SNX29: variants seen among roughly 807,000 people sequenced by gnomAD.
SNX29 encodes sorting nexin 29.
In SNX29, 78 loss-of-function variants were observed where a neutral mutation model predicts 102.1. That is an observed-to-expected ratio of 0.76 (90% CI 0.64 to 0.92). The LOEUF is 0.92. Among genes scored for constraint, SNX29 ranks in the 40% least tolerant of loss-of-function variants. The pLI, the probability that SNX29 is intolerant of heterozygous loss-of-function variation, is 0.00. For synonymous variants in SNX29, 580 were observed against 414.5 expected (o/e 1.40, Z -4.85); for missense variants, 1,280 against 1,061.7 (o/e 1.21, Z -2.86).
chr16:12,327,383 G>A (rs73508005), intron 15 of SNX29, among the ~76,000 whole-genome samples: 8,905 of 152,138 alleles, frequency 0.059, 569 homozygotes, highest in African/African-American at 0.15. Context: ...TCACAGAAAT[G>A]TATCTTCTCA....
At chr16:12,460,821 C>A (rs893854112) in intron 18 of SNX29, among the ~76,000 whole-genome samples, 2 of 152,008 alleles carry the variant, frequency 1.3e-5, no homozygotes, top group Non-Finnish European at 2.9e-5. Flanking sequence ...CCACCATGCC[C>A]GGCTAATTTT....
intron 2 of SNX29, among the ~76,000 whole-genome samples, chr16:12,000,870 C>A (rs1290898829): frequency 6.6e-6 from 1 of 152,146 alleles, no homozygotes; most frequent in Non-Finnish European, 1.5e-5. Context: ...CTGAGCAGCT[C>A]TCTGCTCTTC....
At chr16:12,550,518 C>G (rs368317045) in intron 20 of SNX29, among the ~76,000 whole-genome samples, 162 of 136,052 alleles carry the variant, frequency 1.2e-3, no homozygotes, top group African/African-American at 4.3e-3. Flanking sequence ...CTGGGAGACA[C>G]AGTCTCAATC....
chr16:12,434,745 C>G (rs908672872), intron 18 of SNX29, among the ~76,000 whole-genome samples: 1 of 152,102 alleles, frequency 6.6e-6, no homozygotes, highest in Non-Finnish European at 1.5e-5. Flanking sequence ...CAGTACAGGT[C>G]AGACAGGCCT....
rs949746868 is a variant in SNX29 at position 12,569,704 on chromosome 16, G to C, written c.*1075G>C. The C allele has an allele frequency of 2.2e-5, 5 of 230,514 alleles. No individual in the cohort carries two copies. In the Admixed American group the frequency reaches 2.8e-4, roughly 13 times the overall value. 14.3% of individuals were successfully genotyped at this position (230,514 alleles called of 1,614,324 possible). On this transcript the variant is annotated 3_prime_UTR_variant, in exon 21 of 21. Coordinates refer to ENST00000566228, the MANE Select transcript of SNX29 (RefSeq NM_032167.5). ...TACAGGGACCTTGGCAGGTGGAGAG[G>C]AGGATGGGGACCAGCAGCTGGGCAG... is the stretch of plus-strand genomic sequence containing the variant.
chr16:12,217,733 C>G (rs989166729), intron 14 of SNX29, among the ~76,000 whole-genome samples: 1 of 152,194 alleles, frequency 6.6e-6, no homozygotes, highest in African/African-American at 2.4e-5. Context: ...TGTTTATCTG[C>G]TATTGATCAG....
rs9673740 is a variant in SNX29, at chr16:12,488,621, T to C, written c.2178+10762T>C. Among the ~76,000 whole-genome samples the C allele has an allele frequency of 4.7e-3, 716 of 152,296 alleles. 3 individuals are homozygous for C. The highest frequency in any genetic ancestry group is 0.017 in the African/African-American group (686 of 41,570). The stretch of plus-strand genomic sequence containing the variant: ...AGCACCGGCTTTGCTGGGTGGTTAA[T>C]TTCCTTTCTCCCTCGTCCTATGTCC... On this transcript the variant is annotated intron_variant, in intron 19 of 20. Coordinates refer to ENST00000566228, the MANE Select transcript of SNX29 (RefSeq NM_032167.5).
chr16:12,380,434 CTAG>C, intron 16 of SNX29, among the ~76,000 whole-genome samples: 1 of 119,684 alleles, frequency 8.4e-6, no homozygotes, highest in African/African-American at 3.1e-5. Flanking sequence ...ATCCATCCAC[CTAG>C]CTACCTACCA....
At chr16:12,542,113 A>G (rs990705805) in intron 20 of SNX29, among the ~76,000 whole-genome samples, 1 of 152,048 alleles carries the variant, frequency 6.6e-6, no homozygotes, top group Middle Eastern at 3.2e-3. Flanking sequence ...ACGGATCCCT[A>G]AATTGAGCCA....
intron 20 of SNX29, among the ~76,000 whole-genome samples, chr16:12,555,791 A>C (rs1177789208): frequency 6.6e-6 from 1 of 150,728 alleles, no homozygotes; most frequent in Non-Finnish European, 1.5e-5. Flanking sequence ...CCAGGCAGGC[A>C]CACTCCTGCC....
chr16:12,091,228 A>T (rs1194365925), intron 11 of SNX29, among the ~76,000 whole-genome samples: 1 of 152,048 alleles, frequency 6.6e-6, no homozygotes, highest in Non-Finnish European at 1.5e-5. Flanking sequence ...TCATACTGCT[A>T]TTGGGTGGTG....
At chr16:12,358,578 T>C (rs2082209477) in intron 16 of SNX29, among the ~76,000 whole-genome samples, 1 of 152,146 alleles carries the variant, frequency 6.6e-6, no homozygotes. Context: ...CTTCCCCTGC[T>C]ATCCATAAAG....
intron 20 of SNX29, among the ~76,000 whole-genome samples, chr16:12,567,628 G>A (rs1466734763): frequency 2.0e-5 from 3 of 152,078 alleles, no homozygotes; most frequent in African/African-American, 4.8e-5. Flanking sequence ...CAGGTATGGT[G>A]GCTAGTACCT....
At chr16:12,535,022 C>G (rs933773315) in intron 20 of SNX29, among the ~76,000 whole-genome samples, 2 of 152,278 alleles carry the variant, frequency 1.3e-5, no homozygotes, top group East Asian at 3.9e-4. Flanking sequence ...GAGAAGCTGG[C>G]TCGTTGGGTC....
At chr16:12,040,333 C>T (rs1325185066) in intron 4 of SNX29, among the ~76,000 whole-genome samples, 7 of 152,046 alleles carry the variant, frequency 4.6e-5, no homozygotes, top group South Asian at 2.1e-4. Context: ...AGCTGTCCAG[C>T]CTGGGTGACA....
At chr16:12,230,640 A>G (rs901552945) in intron 14 of SNX29, among the ~76,000 whole-genome samples, 1 of 152,236 alleles carries the variant, frequency 6.6e-6, no homozygotes. Flanking sequence ...GAATGAGCAG[A>G]TGGTAGGCCT....
intron 18 of SNX29, among the ~76,000 whole-genome samples, chr16:12,463,304 C>A (rs557954145): frequency 6.6e-6 from 1 of 152,152 alleles, no homozygotes; most frequent in Non-Finnish European, 1.5e-5. Context: ...CTGTATTAGT[C>A]GGTTTTCATG....
At chr16:12,385,732 A>G (rs978092302) in intron 16 of SNX29, among the ~76,000 whole-genome samples, 1 of 152,242 alleles carries the variant, frequency 6.6e-6, no homozygotes, top group Non-Finnish European at 1.5e-5. Flanking sequence ...AATAATAGGC[A>G]TAGAGTGACA....
chr16:12,091,151 C>T (rs1322274812), intron 11 of SNX29, among the ~76,000 whole-genome samples: 1 of 151,832 alleles, frequency 6.6e-6, no homozygotes, highest in Non-Finnish European at 1.5e-5. Flanking sequence ...ATCTTCATAG[C>T]ATCCGTGTAA....
Sources: allele counts gnomAD v4.1 joint callset (sites outside exome capture counted in the v4.1 genomes callset), GRCh38; gene constraint gnomAD v4.1.1; transcripts MANE v1.5; gene names NCBI Gene and HGNC (gene_info 2026-07-23, HGNC 2026-07-21).